Variants in GPR34 observed in about 807,000 individuals in gnomAD.
The protein encoded by GPR34 is probable G protein-coupled receptor 34.
In GPR34, 3 loss-of-function variants were observed where a neutral mutation model predicts 14.1. That is an observed-to-expected ratio of 0.21 (90% CI 0.10 to 0.55). The LOEUF is 0.55. GPR34 is among the 20% of genes least tolerant of loss of function. The pLI is 0.94. For missense variants in GPR34, 213 were observed against 292.8 expected (o/e 0.73, Z 1.99); for synonymous variants, 99 against 99.9 (o/e 0.99, Z 0.05).
intron 2 of GPR34, among the ~76,000 whole-genome samples, chrX:41,691,089 A>G (rs1031268465): frequency 8.9e-6 from 1 of 112,613 alleles, no homozygotes; most frequent in Admixed American, 9.4e-5. Context: ...TAAACTGAAG[A>G]CTAAAGCAAA....
At chrX:41,691,158 A>G (rs761614992) in intron 2 of GPR34, among the ~76,000 whole-genome samples, 3 of 112,225 alleles carry the variant, frequency 2.7e-5, no homozygotes, top group Admixed American at 1.9e-4. Flanking sequence ...TGCAGATTAG[A>G]GCTGAGGCAA....
intron 2 of GPR34, among the ~76,000 whole-genome samples, chrX:41,695,257 A>G: frequency 9.0e-6 from 1 of 111,214 alleles, no homozygotes; most frequent in East Asian, 2.8e-4. Flanking sequence ...CAGTAGGATA[A>G]AAGTAAAGTT....
chrX:41,691,281 G>C (rs772882445), intron 2 of GPR34, among the ~76,000 whole-genome samples: 1 of 111,739 alleles, frequency 8.9e-6, no homozygotes, highest in Non-Finnish European at 1.9e-5. Flanking sequence ...CAATCATTCT[G>C]ATGAATGATT....
chrX:41,690,814 T>C (rs2067540398), intron 2 of GPR34, among the ~76,000 whole-genome samples: 1 of 107,978 alleles, frequency 9.3e-6, no homozygotes, highest in Non-Finnish European at 1.9e-5. Flanking sequence ...GCTGGGACTA[T>C]AGGCGCACGT....
Position 41,696,419 on chromosome X carries a change from C to T in GPR34, c.786C>T (p.Ala262=). The change falls in exon 3 of 3, where the codon GCC becomes GCT. Residue 262 remains alanine, a synonymous_variant. Transcript: ENST00000378142. ...AATTTCCTAATTCTGGTAAATATGC[C>T]ACTACAGCTCGTAACTCCTTTATTG... ...RSKFPNSGKY[A]TTARNSFIVL... 6 of 1,185,253 alleles carry T rather than the reference C, an allele frequency of 5.1e-6. No individual in the cohort carries two copies. The highest frequency in any genetic ancestry group is 5.7e-6 in the Non-Finnish European group (5 of 879,625).
At chrX:41,690,169 C>T (rs1198898263) in intron 2 of GPR34, among the ~76,000 whole-genome samples, 2 of 111,263 alleles carry the variant, frequency 1.8e-5, no homozygotes, top group Non-Finnish European at 3.8e-5. Flanking sequence ...CCTATGTAAA[C>T]ACAGTGGTTT....
chrX:41,691,192 T>G (rs1303833719), intron 2 of GPR34, among the ~76,000 whole-genome samples: 1 of 112,131 alleles, frequency 8.9e-6, no homozygotes, highest in African/African-American at 3.2e-5. Flanking sequence ...ATGTGCTTTG[T>G]GCTAACAGCT....
chrX:41,694,376 T>C (rs979576577), intron 2 of GPR34, among the ~76,000 whole-genome samples: 6 of 111,920 alleles, frequency 5.4e-5, no homozygotes, highest in African/African-American at 2.0e-4. Flanking sequence ...AGTCACTCTA[T>C]GAGAGGAATG....
intron 2 of GPR34, among the ~76,000 whole-genome samples, chrX:41,693,303 G>A (rs2067612009): frequency 9.0e-6 from 1 of 111,089 alleles, no homozygotes; most frequent in South Asian, 3.8e-4. Flanking sequence ...TTTCTAGATT[G>A]CCCTTTCCTT....
chrX:41,691,279 C>G (rs1377890024), intron 2 of GPR34, among the ~76,000 whole-genome samples: 2 of 111,722 alleles, frequency 1.8e-5, no homozygotes, highest in Admixed American at 9.5e-5. Flanking sequence ...GGCAATCATT[C>G]TGATGAATGA....
At chrX:41,694,152 T>A (rs1187322956) in intron 2 of GPR34, among the ~76,000 whole-genome samples, 1 of 112,411 alleles carries the variant, frequency 8.9e-6, no homozygotes, top group Non-Finnish European at 1.9e-5. Context: ...AATCAAAAGG[T>A]GTTTATTAAA....
In GPR34 at chrX:41,696,011, G is replaced by C; in HGVS notation, c.378G>C (p.Leu126=). The stretch of plus-strand genomic sequence containing the variant: ...ACAAGTGGACACTAGGTGTGATTCT[G>C]TGCAAGGTTGTGGGAACACTGTTTT... ...NQNKWTLGVI[L]CKVVGTLFYM... The change falls in exon 3 of 3, where the codon CTG becomes CTC. Residue 126 remains leucine, a synonymous_variant. Coordinates refer to ENST00000378142, the MANE Select transcript of GPR34 (RefSeq NM_001097579.2). The C allele has an allele frequency of 8.3e-7, 1 of 1,210,137 alleles. No individual in the cohort carries two copies. Among genetic ancestry groups the C allele is most frequent in the Non-Finnish European group, 1.1e-6 (1 of 894,154 alleles).
intron 2 of GPR34, among the ~76,000 whole-genome samples, chrX:41,692,455 A>G (rs758620048): frequency 8.9e-6 from 1 of 112,521 alleles, no homozygotes; most frequent in African/African-American, 3.2e-5. Context: ...AGATCCTTAT[A>G]TTGCCTCCCA....
At chrX:41,691,066 G>A (rs2067547053) in intron 2 of GPR34, among the ~76,000 whole-genome samples, 1 of 112,272 alleles carries the variant, frequency 8.9e-6, no homozygotes, top group South Asian at 3.7e-4. Context: ...CACTGGCTTT[G>A]CTTTATGCTC....
At position 41,696,280 on chromosome X, in the gene GPR34, A is replaced by T. The variant is rs753356228; in HGVS notation, c.647A>T (p.Glu216Val). ...HYRDKHNAKGEAIFNFILVVM... is the reference protein window; with the variant it reads ...HYRDKHNAKGVAIFNFILVVM... ...AGAGATAAGCATAACGCAAAAGGAG[A>T]AGCCATTTTTAACTTCATTCTTGTG... The change falls in exon 3 of 3, where the codon GAA becomes GTA. Residue 216 changes from glutamate to valine, a missense_variant. Transcript: ENST00000378142. 1.7e-6 allele frequency: 2 copies of T among 1,193,453 alleles called. No homozygotes were observed. Among genetic ancestry groups the T allele is most frequent in the Non-Finnish European group, 2.3e-6 (2 of 886,838 alleles).
Position 41,696,453 on chromosome X carries a change from A to G in GPR34, c.820A>G (p.Ile274Val). ...TCGTAACTCCTTTATTGTACTTATC[A>G]TTTTTACTATATGTTTTGTTCCCTA... ...TARNSFIVLI[I>V]FTICFVPYHA... The change falls in exon 3 of 3, where the codon ATT becomes GTT. Residue 274 changes from isoleucine to valine, a missense_variant. Physicochemically the swap from Ile to Val is conservative, Grantham distance 29. Transcript: ENST00000378142. 1 of 1,200,742 alleles carries G rather than the reference A, an allele frequency of 8.3e-7. No individual in the cohort carries two copies. Among genetic ancestry groups the G allele is most frequent in the Non-Finnish European group, 1.1e-6 (1 of 887,128 alleles).
intron 2 of GPR34, among the ~76,000 whole-genome samples, chrX:41,695,330 T>TA (rs1438471027): frequency 1.9e-5 from 2 of 105,186 alleles, no homozygotes; most frequent in African/African-American, 6.9e-5. Flanking sequence ...TTTTTTTTTT[T>TA]AAAGAGATGG....
At chrX:41,690,823 G>A (rs984845540) in intron 2 of GPR34, among the ~76,000 whole-genome samples, 5 of 107,965 alleles carry the variant, frequency 4.6e-5, no homozygotes, top group Admixed American at 2.0e-4. Context: ...ATAGGCGCAC[G>A]TCACCATACC....
chrX:41,695,380 A>G (rs1480848571), intron 2 of GPR34, among the ~76,000 whole-genome samples, 175 bp from the exon 3 acceptor site: 2 of 103,098 alleles, frequency 1.9e-5, no homozygotes, highest in Middle Eastern at 4.5e-3. Context: ...CAGTGGCTCA[A>G]TTATAGCTCA....
Sources: allele counts gnomAD v4.1 joint callset (sites outside exome capture counted in the v4.1 genomes callset), GRCh38; gene constraint gnomAD v4.1.1; transcripts MANE v1.5; gene names NCBI Gene and HGNC (gene_info 2026-07-23, HGNC 2026-07-21).